PPFIBP2: variants seen among roughly 807,000 people sequenced by gnomAD.
PPFIBP2 encodes the protein PPFIB scaffold protein 2, also known as liprin-beta-2.
PPFIBP2 carries 118 observed loss-of-function variants against 118.3 expected under a neutral mutation model. The ratio of observed to expected loss-of-function variants is 1.00; its 90% confidence interval spans 0.86 to 1.16. PPFIBP2 has a LOEUF of 1.16. PPFIBP2 is among the 50% of genes most tolerant of loss of function. The pLI, the probability that PPFIBP2 is intolerant of heterozygous loss-of-function variation, is 0.00. For missense variants in PPFIBP2, 1,195 were observed against 1,073.1 expected, an observed-to-expected ratio of 1.11 and a Z score of -1.59; for synonymous variants, 414 against 397.4, an observed-to-expected ratio of 1.04 and a Z score of -0.50.
chr11:7,561,171 G>T (rs577787173), intron 2 of PPFIBP2, among the ~76,000 whole-genome samples: 1 of 152,232 alleles, frequency 6.6e-6, no homozygotes, highest in African/African-American at 2.4e-5. Context: ...AGGTTCAAGC[G>T]ATTTTTCTGC....
At chr11:7,563,636 C>T (rs764126629) in intron 2 of PPFIBP2, among the ~76,000 whole-genome samples, 3 of 152,188 alleles carry the variant, frequency 2.0e-5, no homozygotes, top group Non-Finnish European at 4.4e-5. Flanking sequence ...GCCCCAAGCT[C>T]ACATTTTCCA....
chr11:7,523,954 A>T (rs1204695736), intron 1 of PPFIBP2, among the ~76,000 whole-genome samples: 1 of 152,230 alleles, frequency 6.6e-6, no homozygotes, highest in Non-Finnish European at 1.5e-5. Flanking sequence ...CAGCCATCAC[A>T]TGCAGCTGGG....
intron 3 of PPFIBP2, among the ~76,000 whole-genome samples, chr11:7,584,550 G>A (rs1857786075): frequency 1.3e-5 from 2 of 152,088 alleles, no homozygotes; most frequent in Non-Finnish European, 2.9e-5. Context: ...AGCAGAACTG[G>A]TCCTGGGAAT....
chr11:7,544,440 G>A (rs777147480), intron 1 of PPFIBP2, among the ~76,000 whole-genome samples: 1 of 152,116 alleles, frequency 6.6e-6, no homozygotes, highest in Admixed American at 6.5e-5. Context: ...TGCTGTGTAA[G>A]GCCCTTGGGT....
chr11:7,551,797 T>C (rs868476742), intron 2 of PPFIBP2, among the ~76,000 whole-genome samples: 1 of 152,222 alleles, frequency 6.6e-6, no homozygotes, highest in Non-Finnish European at 1.5e-5. Context: ...CATACAGGCA[T>C]TCCTGAAATG....
intron 3 of PPFIBP2, among the ~76,000 whole-genome samples, chr11:7,581,733 C>T (rs1387945386): frequency 6.6e-6 from 1 of 152,144 alleles, no homozygotes; most frequent in Non-Finnish European, 1.5e-5. Flanking sequence ...TCCTTGGGCT[C>T]ATATCTCACC....
chr11:7,557,342 A>G (rs1853748805), intron 2 of PPFIBP2, among the ~76,000 whole-genome samples: 1 of 152,016 alleles, frequency 6.6e-6, no homozygotes, highest in African/African-American at 2.4e-5. Context: ...TATGTAAAAC[A>G]TATGACATAT....
At chr11:7,611,367 G>C (rs1298134772) in intron 6 of PPFIBP2, among the ~76,000 whole-genome samples, 1 of 151,982 alleles carries the variant, frequency 6.6e-6, no homozygotes, top group Non-Finnish European at 1.5e-5. Context: ...GCTAAAGATG[G>C]ATATTGTTCC....
chr11:7,579,246 G>A (rs1308984429), intron 3 of PPFIBP2, among the ~76,000 whole-genome samples: 3 of 152,166 alleles, frequency 2.0e-5, no homozygotes, highest in African/African-American at 4.8e-5. Context: ...TATTAGTGGT[G>A]CAGCCTGGTC....
Position 7,593,042 on chromosome 11 carries a change from C to A in PPFIBP2, c.280-90C>A. 4 of 1,528,192 alleles carry A rather than the reference C, an allele frequency of 2.6e-6. No individual in the cohort carries two copies. The South Asian group carries it at 3.9e-5, about 15-fold the overall frequency. 94.7% of individuals were successfully genotyped at this position (1,528,192 alleles called of 1,614,324 possible). A position where few individuals can be genotyped will look rare whatever the true frequency, so the allele number is the denominator to read the frequency against. ...CATATAATCAGTGAAACTATCCTCA[C>A]AAATTACATGCATCCCTTATTTCAT... On this transcript the variant is annotated intron_variant, in intron 3 of 23. Transcript: ENST00000299492.
intron 6 of PPFIBP2, chr11:7,617,332 G>A: frequency 2.0e-6 from 2 of 983,016 alleles, no homozygotes; most frequent in Non-Finnish European, 2.4e-6. Flanking sequence ...GCATGCGTGT[G>A]TGGGGCATTT....
chr11:7,590,956 ATAC>A (rs1859164027), intron 3 of PPFIBP2, among the ~76,000 whole-genome samples: 1 of 152,190 alleles, frequency 6.6e-6, no homozygotes, highest in African/African-American at 2.4e-5. Context: ...TGATTTTACC[ATAC>A]TGATCTGCGG....
chr11:7,665,891 A>T, the PPFIBP2 span: 1 of 1,536,090 alleles, frequency 6.5e-7, no homozygotes, highest in South Asian at 1.2e-5. Flanking sequence ...GTGTTAGTGG[A>T]ACTGCGCAGA....
At chr11:7,560,686 A>G (rs1854200300) in intron 2 of PPFIBP2, among the ~76,000 whole-genome samples, 1 of 152,228 alleles carries the variant, frequency 6.6e-6, no homozygotes, top group South Asian at 2.1e-4. Context: ...GTCAAAAGGC[A>G]TGAATATTTT....
chr11:7,574,897 A>G (rs555144149), intron 3 of PPFIBP2, among the ~76,000 whole-genome samples: 2 of 152,230 alleles, frequency 1.3e-5, no homozygotes. Flanking sequence ...AACAAGGCTG[A>G]GATAAGACTT....
intron 5 of PPFIBP2, chr11:7,605,956 T>C (rs1230996731): frequency 6.5e-7 from 1 of 1,533,894 alleles, no homozygotes; most frequent in East Asian, 2.4e-5. Context: ...GAGTGGATAC[T>C]GAATGGGAAA....
At chr11:7,568,867 G>A (rs564915407) in intron 3 of PPFIBP2, 1 of 152,240 alleles carries the variant, frequency 6.6e-6, no homozygotes, top group Non-Finnish European at 1.5e-5. Flanking sequence ...AAAAGAAATA[G>A]ACATTAAAGA....
At chr11:7,538,013 A>G (rs956618582) in intron 1 of PPFIBP2, among the ~76,000 whole-genome samples, 1 of 152,176 alleles carries the variant, frequency 6.6e-6, no homozygotes, top group African/African-American at 2.4e-5. Flanking sequence ...GAATATCGAG[A>G]GCAGAAATAG....
chr11:7,663,904 C>G, the PPFIBP2 span, among the ~76,000 whole-genome samples: 5 of 152,122 alleles, frequency 3.3e-5, no homozygotes, highest in African/African-American at 1.2e-4. Flanking sequence ...GGGAGTGACC[C>G]GATTTTCCAG....
Sources: allele counts gnomAD v4.1 joint callset (sites outside exome capture counted in the v4.1 genomes callset), GRCh38; gene constraint gnomAD v4.1.1; transcripts MANE v1.5; gene names NCBI Gene and HGNC (gene_info 2026-07-23, HGNC 2026-07-21).